Variants in ASAP1 observed in about 807,000 individuals in gnomAD.
ASAP1 encodes the protein arf-GAP with SH3 domain, ANK repeat and PH domain-containing protein 1.
ASAP1 carries 43 observed loss-of-function variants against 145.2 expected under a neutral mutation model. The observed-to-expected ratio is 0.30, with a 90% CI of 0.23 to 0.38. The LOEUF (loss-of-function observed/expected upper bound fraction) is 0.38. Among genes scored for constraint, ASAP1 ranks in the 10% least tolerant of loss-of-function variants. The probability of loss-of-function intolerance (pLI) is 1.00; values close to 1 mark genes in which losing one functional copy is unlikely to be tolerated. For missense variants in ASAP1, 1,018 were observed against 1,355.3 expected, an observed-to-expected ratio of 0.75 and a Z score of 3.91; for synonymous variants, 546 against 515.5, an observed-to-expected ratio of 1.06 and a Z score of -0.80.
At chr8:130,157,121 A>G (rs1380944723) in intron 12 of ASAP1, among the ~76,000 whole-genome samples, 3 of 152,240 alleles carry the variant, frequency 2.0e-5, no homozygotes, top group Non-Finnish European at 2.9e-5. Flanking sequence ...AGGGAAGAAC[A>G]AGGAGCTGAG....
intron 1 of ASAP1, among the ~76,000 whole-genome samples, chr8:130,442,826 C>T (rs1182884740): frequency 6.6e-6 from 1 of 152,090 alleles, no homozygotes; most frequent in Admixed American, 6.6e-5. Context: ...TTCTTTGAAA[C>T]TTCATGTCGC....
intron 5 of ASAP1, among the ~76,000 whole-genome samples, chr8:130,203,353 T>A (rs1815992871): frequency 6.6e-6 from 1 of 152,196 alleles, no homozygotes; most frequent in Non-Finnish European, 1.5e-5. Flanking sequence ...AGCACCCACC[T>A]GGCTTGTACA....
chr8:130,425,191 G>T (rs1009761254), intron 1 of ASAP1, among the ~76,000 whole-genome samples: 1 of 151,718 alleles, frequency 6.6e-6, no homozygotes, highest in Non-Finnish European at 1.5e-5. Context: ...AATTAGCTGG[G>T]CATGGTAGCA....
At chr8:130,132,647 C>G (rs2097584971) in intron 15 of ASAP1, among the ~76,000 whole-genome samples, 1 of 152,252 alleles carries the variant, frequency 6.6e-6, no homozygotes, top group African/African-American at 2.4e-5. Flanking sequence ...GTCGTACCAA[C>G]AGCCTCCTGC....
chr8:130,059,089 G>A (rs2097411386), intron 28 of ASAP1, among the ~76,000 whole-genome samples: 1 of 151,834 alleles, frequency 6.6e-6, no homozygotes. Context: ...AGACACGGCA[G>A]CCTCCAACCT....
intron 3 of ASAP1, among the ~76,000 whole-genome samples, chr8:130,245,674 G>A (rs1818805411): frequency 6.6e-6 from 1 of 152,120 alleles, no homozygotes; most frequent in African/African-American, 2.4e-5. Context: ...TACGTTTTGA[G>A]GGCAGGGCCT....
At chr8:130,336,510 A>G (rs138204941) in intron 3 of ASAP1, among the ~76,000 whole-genome samples, 24 of 152,364 alleles carry the variant, frequency 1.6e-4, no homozygotes, top group African/African-American at 5.3e-4. Context: ...CAATAAACCA[A>G]AGGAACTAAT....
rs1565149041 is a variant in ASAP1, at chr8:130,262,450, GA to G, written c.187-25457del. On this transcript the variant is annotated intron_variant, in intron 3 of 29. Coordinates refer to ENST00000518721, the MANE Select transcript of ASAP1 (RefSeq NM_018482.4). ...AGAGAGAGAGAGAGAGAGAGAGAGA[GA>G]GAGAGAACCTGTGGAATTTCAGATA... Among the ~76,000 whole-genome samples the G allele has an allele frequency of 6.5e-4, 64 of 97,760 alleles. 2 individuals carry two copies. The highest frequency in any genetic ancestry group is 1.5e-3 in the East Asian group (3 of 1,950). 64.1% of individuals were successfully genotyped at this position (97,760 alleles called of 152,430 possible).
At chr8:130,267,247 T>C (rs1820318644) in intron 3 of ASAP1, among the ~76,000 whole-genome samples, 1 of 151,994 alleles carries the variant, frequency 6.6e-6, no homozygotes, top group East Asian at 1.9e-4. Flanking sequence ...CAGTTAACCC[T>C]AGCGACAGCT....
chr8:130,101,732 A>ATTTCTTTT (rs2097529107), intron 24 of ASAP1, among the ~76,000 whole-genome samples: 2 of 86,968 alleles, frequency 2.3e-5, no homozygotes, highest in African/African-American at 5.5e-5. Context: ...CACCTGGTTA[A>ATTTCTTTT]TTTTTTTTTT....
intron 26 of ASAP1, among the ~76,000 whole-genome samples, chr8:130,078,141 C>G (rs1226824333): frequency 6.6e-6 from 1 of 152,116 alleles, no homozygotes. Context: ...AGGCGCACCC[C>G]ACTATGCCCG....
chr8:130,193,329 A>G (rs1815268017), intron 5 of ASAP1, among the ~76,000 whole-genome samples: 1 of 152,016 alleles, frequency 6.6e-6, no homozygotes, highest in African/African-American at 2.4e-5. Context: ...AGATTGTGCC[A>G]CTGCACTCCA....
At chr8:130,269,953 T>C (rs1170047396) in intron 3 of ASAP1, among the ~76,000 whole-genome samples, 1 of 152,176 alleles carries the variant, frequency 6.6e-6, no homozygotes, top group Non-Finnish European at 1.5e-5. Flanking sequence ...TTAGATCACC[T>C]GAGGTCAGGA....
intron 3 of ASAP1, among the ~76,000 whole-genome samples, chr8:130,253,722 C>T (rs1362536787): frequency 1.3e-5 from 2 of 152,142 alleles, no homozygotes; most frequent in African/African-American, 4.8e-5. Context: ...GCTCAAAAAG[C>T]TTTACAAATG....
At chr8:130,192,860 T>C (rs1815231833) in intron 5 of ASAP1, among the ~76,000 whole-genome samples, 1 of 152,182 alleles carries the variant, frequency 6.6e-6, no homozygotes, top group African/African-American at 2.4e-5. Context: ...ACAGAATCAT[T>C]TGTGTACAAA....
chr8:130,348,072 A>G (rs1317255294), intron 3 of ASAP1, among the ~76,000 whole-genome samples: 5 of 152,158 alleles, frequency 3.3e-5, no homozygotes, highest in Non-Finnish European at 7.3e-5. Context: ...TGTGCGTCAT[A>G]ATAACATAGT....
At chr8:130,254,838 C>CA (rs34615656) in intron 3 of ASAP1, among the ~76,000 whole-genome samples, 5,284 of 152,206 alleles carry the variant, frequency 0.035, 124 homozygotes, top group Middle Eastern at 0.065. Flanking sequence ...TCTTAAGTAG[C>CA]AACAACCAAT....
chr8:130,192,944 TAC>T (rs1489250653), intron 5 of ASAP1, among the ~76,000 whole-genome samples: 1 of 152,136 alleles, frequency 6.6e-6, no homozygotes, highest in East Asian at 1.9e-4. Context: ...CTAAATAAAT[TAC>T]AGAGTTTCTA....
intron 3 of ASAP1, among the ~76,000 whole-genome samples, chr8:130,242,127 T>C (rs1288239254): frequency 6.6e-6 from 1 of 151,970 alleles, no homozygotes; most frequent in Non-Finnish European, 1.5e-5. Context: ...GCACAAAGTC[T>C]TGAATGGAGC....
Sources: allele counts gnomAD v4.1 joint callset (sites outside exome capture counted in the v4.1 genomes callset), GRCh38; gene constraint gnomAD v4.1.1; transcripts MANE v1.5; gene names NCBI Gene and HGNC (gene_info 2026-07-23, HGNC 2026-07-21).